The following CREB1 variants were observed in gnomAD, a reference collection of about 807,000 sequenced individuals.
The protein encoded by CREB1 is cAMP responsive element binding protein 1.
In CREB1, 2 loss-of-function variants were observed where a neutral mutation model predicts 42.0. The ratio of observed to expected loss-of-function variants is 0.05; its 90% CI spans 0.02 to 0.15. The LOEUF (loss-of-function observed/expected upper bound fraction) is 0.15, where lower values mean the gene tolerates loss of function less well. CREB1 is among the 10% of genes least tolerant of loss of function. CREB1 has a pLI of 1.00. For missense variants in CREB1, 199 were observed against 388.9 expected, an observed-to-expected ratio of 0.51 and a Z score of 4.11; for synonymous variants, 123 against 139.9, an observed-to-expected ratio of 0.88 and a Z score of 0.85.
intron 4 of CREB1, 200 bp downstream of exon 4, chr2:207,567,763 AT>A (rs890064366): frequency 0.044 from 12,840 of 293,054 alleles, no homozygotes; most frequent in Middle Eastern, 0.064. Context: ...ACCAGTCCTA[AT>A]TTTTTTTTTT....
Position 207,559,738 on chromosome 2 carries a change from G to A in CREB1, c.115-488G>A, listed in dbSNP as rs114795445. 6.1e-3 allele frequency among the ~76,000 whole-genome samples: 935 copies of A among 152,268 alleles called. 10 individuals carry two copies. Among genetic ancestry groups the A allele is most frequent in the African/African-American group, 0.021 (889 of 41,558 alleles). On this transcript the variant is annotated intron_variant, in intron 2 of 7. Transcript: ENST00000353267. The stretch of plus-strand genomic sequence containing the variant: ...TTTTAGAACGTGACTTATTTAACAT[G>A]ATATTCTTTAGAATTTTATGTTTCT...
In CREB1 at chr2:207,582,193, C is replaced by A; in HGVS notation, c.839+4538C>A. 3 of 702,772 alleles carry A rather than the reference C, an allele frequency of 4.3e-6. No individual in the cohort carries two copies. The South Asian group carries it at 4.4e-5, about 10-fold the overall frequency. 43.5% of individuals were successfully genotyped at this position (702,772 alleles called of 1,614,324 possible). On this transcript the variant is annotated intron_variant, in intron 7 of 7. Coordinates refer to ENST00000353267, the MANE Select transcript of CREB1 (RefSeq NM_004379.5). ...GGAGAATATGAAAGAAATTTGTGGT[C>A]ATATGTTAAAACCACCACAGTAATT...
chr2:207,571,745 G>T, intron 5 of CREB1: 1 of 455,158 alleles, frequency 2.2e-6, no homozygotes, highest in Non-Finnish European at 4.4e-6. Flanking sequence ...ATACCTGAGG[G>T]ATACAACATA....
At position 207,602,607 on chromosome 2, in the gene CREB1, G is replaced by T. The variant is rs542142469; in HGVS notation, c.*5549G>T. ...GAGGAAGAAAATCTCTGCAAATAAT[G>T]ATTTTATGTTTGTTGGCCAAGTGAA... On this transcript the variant is annotated 3_prime_UTR_variant, in exon 8 of 8. Transcript: ENST00000353267. The T allele has an allele frequency of 7.1e-5, 15 of 212,144 alleles. No individual in the cohort carries two copies. The highest frequency in any genetic ancestry group is 3.2e-4 in the African/African-American group (14 of 44,266). The allele number at this position is 212,144 out of a possible 1,614,324, so 13.1% of individuals were successfully genotyped here. A position where few individuals can be genotyped will look rare whatever the true frequency, so the allele number is the denominator to read the frequency against.
At chr2:207,588,689 A>G (rs1263932811) in intron 7 of CREB1, among the ~76,000 whole-genome samples, 1 of 145,280 alleles carries the variant, frequency 6.9e-6, no homozygotes, top group Non-Finnish European at 1.5e-5. Flanking sequence ...TCCTGTACAT[A>G]TCTTACTGGA....
intron 5 of CREB1, among the ~76,000 whole-genome samples, chr2:207,572,225 CA>C (rs35000643): frequency 0.053 from 5,274 of 98,834 alleles, 103 homozygotes; most frequent in African/African-American, 0.11. Context: ...GATTCCGTCT[CA>C]AAAAAAAAAA....
intron 1 of CREB1, among the ~76,000 whole-genome samples, chr2:207,547,428 T>C (rs2106405011): frequency 6.6e-6 from 1 of 152,360 alleles, no homozygotes; most frequent in African/African-American, 2.4e-5. Flanking sequence ...GACAGCTTCA[T>C]TCTTTAGTCA....
At chr2:207,540,517 G>T (rs1242438882) in intron 1 of CREB1, among the ~76,000 whole-genome samples, 2 of 151,824 alleles carry the variant, frequency 1.3e-5, no homozygotes, top group African/African-American at 4.8e-5. Context: ...GGTGGTGCAT[G>T]CCTGTAATCC....
intron 3 of CREB1, among the ~76,000 whole-genome samples, chr2:207,567,065 T>G (rs2082166907): frequency 2.0e-5 from 3 of 152,182 alleles, no homozygotes; most frequent in African/African-American, 7.2e-5. Context: ...GTTTATACAG[T>G]TAAATAATAA....
Position 207,597,397 on chromosome 2 carries a change from A to T in CREB1, c.*339A>T, listed in dbSNP as rs182906174. On this transcript the variant is annotated 3_prime_UTR_variant, in exon 8 of 8. Transcript: ENST00000353267. ...GAAAATCTTTTTAAAAATGATTTCA[A>T]GGTTTGTGCTGAGCTCCTTGATTGC... 392 of 269,584 alleles carry T rather than the reference A, an allele frequency of 1.5e-3. 7 individuals are homozygous for T. Among genetic ancestry groups the T allele is most frequent in the Admixed American group, 0.014 (255 of 18,322 alleles). The allele number at this position is 269,584 out of a possible 1,614,324, so 16.7% of individuals were successfully genotyped here.
intron 1 of CREB1, 94 bp from the exon 2 acceptor site, chr2:207,555,534 A>G (rs1355018182): frequency 1.7e-6 from 1 of 600,400 alleles, no homozygotes; most frequent in East Asian, 2.8e-5. Flanking sequence ...CCTAACCACC[A>G]CATATATACC....
intron 7 of CREB1, among the ~76,000 whole-genome samples, chr2:207,590,063 G>A (rs2084673711): frequency 6.9e-6 from 1 of 145,796 alleles, no homozygotes; most frequent in Non-Finnish European, 1.5e-5. Context: ...ACATAGGCCT[G>A]GAGTTTTCTA....
At chr2:207,583,361 G>GT (rs1224323747) in intron 7 of CREB1, among the ~76,000 whole-genome samples, 10 of 152,100 alleles carry the variant, frequency 6.6e-5, no homozygotes, top group African/African-American at 2.4e-4. Flanking sequence ...CTCTTTGCCT[G>GT]TTTGTAACTT....
chr2:207,580,669 G>A (rs1222701286), intron 7 of CREB1: 1 of 220,712 alleles, frequency 4.5e-6, no homozygotes, highest in African/African-American at 2.2e-5. Context: ...TCAAGATGAA[G>A]GTAAGTGGTA....
chr2:207,540,669 TAAAAA>T (rs35714520), intron 1 of CREB1, among the ~76,000 whole-genome samples: 73 of 64,258 alleles, frequency 1.1e-3, no homozygotes, highest in African/African-American at 4.1e-3. Context: ...GTTTAAAAAG[TAAAAA>T]AAAAAAAAAA....
chr2:207,541,143 C>T (rs899267556), intron 1 of CREB1, among the ~76,000 whole-genome samples: 6 of 152,110 alleles, frequency 3.9e-5, no homozygotes, highest in Non-Finnish European at 7.3e-5. Context: ...TAGCTTGAAC[C>T]CACAGGTGGA....
chr2:207,530,970 CTTT>C (rs777124719), intron 1 of CREB1, among the ~76,000 whole-genome samples: 2 of 135,180 alleles, frequency 1.5e-5, no homozygotes, highest in Non-Finnish European at 1.6e-5. Flanking sequence ...CACCCCTTTG[CTTT>C]TTTTTTTTTT....
In CREB1 at chr2:207,599,891, C is replaced by G. The variant is rs2086747735; in HGVS notation, c.*2833C>G. ...GTCATCATAGGAATTTGTACATATG[C>G]TACTGATTTGCCTAGAAAATAGCAA... On this transcript the variant is annotated 3_prime_UTR_variant, in exon 8 of 8. Transcript: ENST00000353267. 5.1e-6 allele frequency: 1 copy of G among 195,302 alleles called. No individual in the cohort carries two copies. Among genetic ancestry groups the G allele is most frequent in the African/African-American group, 2.3e-5 (1 of 43,198 alleles). 12.1% of individuals were successfully genotyped at this position (195,302 alleles called of 1,614,324 possible). A position where few individuals can be genotyped will look rare whatever the true frequency, so the allele number is the denominator to read the frequency against.
intron 5 of CREB1, chr2:207,571,883 T>C (rs538268882): frequency 3.5e-5 from 12 of 347,196 alleles, no homozygotes; most frequent in Middle Eastern, 3.9e-4. Context: ...AGCACCCCCA[T>C]AGATGTTTAA....
Sources: allele counts gnomAD v4.1 joint callset (sites outside exome capture counted in the v4.1 genomes callset), GRCh38; gene constraint gnomAD v4.1.1; transcripts MANE v1.5; gene names NCBI Gene and HGNC (gene_info 2026-07-23, HGNC 2026-07-21).